The following MXRA7 variants were observed in gnomAD, a reference collection of about 807,000 sequenced individuals.
MXRA7 encodes matrix remodeling associated 7.
A neutral mutation model predicts 17.4 loss-of-function variants in MXRA7; 18 were observed. That is an observed-to-expected ratio of 1.03 (90% CI 0.71 to 1.53). The LOEUF (loss-of-function observed/expected upper bound fraction) is 1.53, where lower values mean the gene tolerates loss of function less well. Among genes scored for constraint, MXRA7 ranks in the 40% most tolerant of loss-of-function variants. The pLI is 0.00. For synonymous variants in MXRA7, 70 were observed against 101.7 expected, an observed-to-expected ratio of 0.69 and a Z score of 1.87; for missense variants, 141 against 209.3, an observed-to-expected ratio of 0.67 and a Z score of 2.01.
intron 1 of MXRA7, among the ~76,000 whole-genome samples, chr17:76,704,893 A>G (rs537136750): frequency 2.9e-4 from 44 of 152,172 alleles, no homozygotes; most frequent in African/African-American, 1.0e-3. Context: ...TGTCCTTAAC[A>G]GTGGCAAGCC....
chr17:76,685,257 C>T, intron 2 of MXRA7, 92 bp from the exon 3 acceptor site: 1 of 900,338 alleles, frequency 1.1e-6, no homozygotes, highest in South Asian at 1.4e-5. Context: ...AAAAGAAACA[C>T]CTCAAGCAGA....
intron 1 of MXRA7, among the ~76,000 whole-genome samples, chr17:76,694,787 T>C (rs1258846820): frequency 6.6e-6 from 1 of 152,148 alleles, no homozygotes; most frequent in Non-Finnish European, 1.5e-5. Context: ...GGTTTTGCCA[T>C]GTTGCCCAGG....
At chr17:76,682,387 G>A (rs2076317211) in intron 3 of MXRA7, among the ~76,000 whole-genome samples, 1 of 152,144 alleles carries the variant, frequency 6.6e-6, no homozygotes, top group African/African-American at 2.4e-5. Flanking sequence ...CGGAGAGAGA[G>A]CACCCTGCTA....
chr17:76,707,620 G>A (rs1055025497), intron 1 of MXRA7, among the ~76,000 whole-genome samples: 1 of 152,036 alleles, frequency 6.6e-6, no homozygotes, highest in African/African-American at 2.4e-5. Flanking sequence ...CTGTCTATGA[G>A]CAGAGCTAGG....
At chr17:76,688,484 G>A in intron 1 of MXRA7, 1 of 1,332,228 alleles carries the variant, frequency 7.5e-7, no homozygotes, top group Non-Finnish European at 9.6e-7. Context: ...GGAGAAGTGG[G>A]CCCAGGACTC....
chr17:76,684,182 A>G (rs916568584), intron 3 of MXRA7, among the ~76,000 whole-genome samples: 3 of 152,186 alleles, frequency 2.0e-5, no homozygotes, highest in Non-Finnish European at 2.9e-5. Flanking sequence ...GCATGCAGCC[A>G]TGAGAGGGCA....
rs143474444 is a variant in MXRA7 at position 76,688,233 on chromosome 17, T to TG, written c.343-58dup. ...GCACAGACTGGGTGATGGGAAGTGG[T>TG]GGGGGGGCAGAAGGTAGGGGAGACA... On this transcript the variant is annotated intron_variant, in intron 1 of 3. Transcript: ENST00000449428. 6.6e-4 allele frequency: 1,067 copies of TG among 1,608,516 alleles called. 4 individuals are homozygous for TG. The African/African-American group carries it at 0.011, about 17-fold the overall frequency.
intron 1 of MXRA7, among the ~76,000 whole-genome samples, chr17:76,698,601 G>A (rs796507842): frequency 7.9e-5 from 12 of 151,740 alleles, no homozygotes; most frequent in African/African-American, 2.4e-4. Context: ...AGTAACCCAA[G>A]TCTCAAACTG....
intron 1 of MXRA7, among the ~76,000 whole-genome samples, chr17:76,704,298 C>T (rs1275904768): frequency 6.2e-5 from 9 of 145,676 alleles, no homozygotes; most frequent in Non-Finnish European, 1.1e-4. Context: ...CTCCACCTCC[C>T]GGGTTCACGC....
intron 1 of MXRA7, chr17:76,688,579 T>C (rs772652960): frequency 1.3e-5 from 16 of 1,257,118 alleles, no homozygotes; most frequent in Non-Finnish European, 3.0e-6. Context: ...CCAGGCAGCA[T>C]GGCCATCGCA....
intron 3 of MXRA7, among the ~76,000 whole-genome samples, chr17:76,682,127 G>A (rs758987223): frequency 6.6e-6 from 1 of 152,206 alleles, no homozygotes; most frequent in Non-Finnish European, 1.5e-5. Context: ...TCAGCATGTC[G>A]GGGAACTAAT....
downstream of MXRA7, chr17:76,677,621 G>A (rs201215419): frequency 1.8e-5 from 29 of 1,612,898 alleles, no homozygotes; most frequent in Middle Eastern, 3.3e-4. Context: ...GCTCCTGCAC[G>A]TCGCCGTCGG....
chr17:76,678,209 G>A (rs902401725), downstream of MXRA7, among the ~76,000 whole-genome samples: 34 of 152,184 alleles, frequency 2.2e-4, no homozygotes, highest in African/African-American at 7.7e-4. Context: ...GCAAAGGAGC[G>A]GGGAGGGAAG....
At chr17:76,688,997 T>G (rs2076445496) in intron 1 of MXRA7, 2 of 182,236 alleles carry the variant, frequency 1.1e-5, no homozygotes, top group Non-Finnish European at 2.3e-5. Flanking sequence ...GGAGGCAAAG[T>G]TTTTACAAGC....
downstream of MXRA7, chr17:76,675,215 A>C (rs981738515): frequency 7.9e-5 from 12 of 152,124 alleles, no homozygotes; most frequent in African/African-American, 2.9e-4. Flanking sequence ...TGGTATAATC[A>C]GAAAAGAAAG....
At position 76,681,958 on chromosome 17, in the gene MXRA7, G is replaced by C. The variant is rs1746349306; in HGVS notation, c.501-1079C>G. ...GGACGCCACCAGAGGCATGAAGTGT[G>C]TGAAACTCCGGCCCGAGGGGAGAGC... On this transcript the variant is annotated intron_variant, in intron 3 of 3. Transcript: ENST00000449428. The surrounding 1 kb of genome is among the most constrained non-coding windows in gnomAD (Gnocchi z 4.7). 6.6e-6 allele frequency among the ~76,000 whole-genome samples: 1 copy of C among 152,264 alleles called. No individual in the cohort carries two copies. Among genetic ancestry groups the C allele is most frequent in the South Asian group, 2.1e-4 (1 of 4,838 alleles).
chr17:76,708,265 G>C (rs986825565), intron 1 of MXRA7, among the ~76,000 whole-genome samples: 2 of 152,238 alleles, frequency 1.3e-5, no homozygotes, highest in South Asian at 4.1e-4. Flanking sequence ...CCTGGGAAGG[G>C]AGAGGACTGG....
chr17:76,683,945 C>G (rs774314674), intron 3 of MXRA7: 26 of 1,602,826 alleles, frequency 1.6e-5, no homozygotes, highest in Non-Finnish European at 2.1e-5. Flanking sequence ...ATAAATGCAG[C>G]AAACCTGGTC....
chr17:76,688,308 C>A (rs1567981737), intron 1 of MXRA7, 132 bp from the exon 2 acceptor site: 2 of 1,485,760 alleles, frequency 1.3e-6, no homozygotes, highest in Non-Finnish European at 1.8e-6. Context: ...GCAGCGCCTG[C>A]CCTGTGGTCA....
Sources: gnomAD v4.1 joint callset for allele counts (sites outside exome capture counted in the v4.1 genomes callset) on GRCh38, gnomAD v4.1.1 for gene constraint, Gnocchi (gnomAD v3.1) non-coding constraint, MANE v1.5 for transcripts, NCBI Gene and HGNC (gene_info 2026-07-23, HGNC 2026-07-21) for gene names.